BMPER: variants seen among roughly 807,000 people sequenced by gnomAD.
The protein encoded by BMPER is BMP binding endothelial regulator.
In BMPER, 45 loss-of-function variants were observed where a neutral mutation model predicts 87.3. The ratio of observed to expected loss-of-function variants is 0.52; its 90% CI spans 0.41 to 0.66. The LOEUF (loss-of-function observed/expected upper bound fraction) is 0.66, where lower values mean the gene tolerates loss of function less well. Ranked by LOEUF, BMPER falls within the 30% of genes least tolerant of loss-of-function variation. The probability of loss-of-function intolerance (pLI) is 0.00; values close to 1 mark genes in which losing one functional copy is unlikely to be tolerated. For synonymous variants in BMPER, 326 were observed against 316.2 expected, an observed-to-expected ratio of 1.03 and a Z score of -0.33; for missense variants, 784 against 867.5, an observed-to-expected ratio of 0.90 and a Z score of 1.21.
intron 4 of BMPER, among the ~76,000 whole-genome samples, chr7:33,967,810 A>G (rs1785440982): frequency 6.6e-6 from 1 of 152,210 alleles, no homozygotes; most frequent in African/African-American, 2.4e-5. Context: ...CATGGTTACA[A>G]TGCTAAACAA....
chr7:34,013,087 A>G (rs1172073851), intron 6 of BMPER, among the ~76,000 whole-genome samples: 3 of 151,810 alleles, frequency 2.0e-5, no homozygotes, highest in Non-Finnish European at 4.4e-5. Flanking sequence ...ACTTGCACGC[A>G]GAACATTGTG....
chr7:33,921,855 A>G (rs1359386010), intron 2 of BMPER: 1 of 470,854 alleles, frequency 2.1e-6, no homozygotes, highest in Non-Finnish European at 4.4e-6. Flanking sequence ...CTGCATCTGG[A>G]GGAACCAGAC....
chr7:34,053,595 T>C (rs980261745), intron 8 of BMPER, among the ~76,000 whole-genome samples: 1 of 152,202 alleles, frequency 6.6e-6, no homozygotes, highest in African/African-American at 2.4e-5. Flanking sequence ...TGTATTCTTA[T>C]AATGAAGTAA....
chr7:33,907,858 G>A (rs1158437172), intron 2 of BMPER, among the ~76,000 whole-genome samples: 1 of 152,158 alleles, frequency 6.6e-6, no homozygotes, highest in African/African-American at 2.4e-5. Context: ...TTTCGGTTTA[G>A]GCAAAAGCCA....
intron 13 of BMPER, among the ~76,000 whole-genome samples, chr7:34,086,438 G>A (rs1789212384): frequency 6.6e-6 from 1 of 152,192 alleles, no homozygotes; most frequent in African/African-American, 2.4e-5. Context: ...AACCACAGTA[G>A]TACAAGGCAG....
intron 6 of BMPER, among the ~76,000 whole-genome samples, chr7:33,994,217 G>A (rs560176691): frequency 2.6e-5 from 4 of 152,234 alleles, no homozygotes; most frequent in Admixed American, 2.6e-4. Flanking sequence ...CCCTCCCCCA[G>A]CCTCGCTGCC....
chr7:34,078,925 C>G lies in BMPER; in HGVS notation c.1147C>G (p.Gln383Glu). Residue 383 changes from glutamine (Q) to glutamate (E), a missense_variant, in exon 12 of 15, where the codon CAG (glutamine) becomes GAG (glutamate). Transcript: ENST00000649409. ...NTFDGRTFNF[Q>E]GTCQYVLTKD... ...TTTTGACGGTCGGACATTTAACTTT[C>G]AGGGGACGTGTCAGTACGTTTTGAC... 1 of 1,614,220 alleles carries G rather than the reference C, an allele frequency of 6.2e-7. No homozygotes were observed. The highest frequency in any genetic ancestry group is 8.5e-7 in the Non-Finnish European group (1 of 1,180,052).
rs1287864959 is a variant in BMPER, at chr7:34,153,993, T to C, written c.*720T>C. ...TAATCATCTATGTGTGTATGATGGATGTGACCATTTATATGTCATGTGTTG... is the reference window on the plus strand; with the variant it reads ...TAATCATCTATGTGTGTATGATGGACGTGACCATTTATATGTCATGTGTTG... On this transcript the variant is annotated 3_prime_UTR_variant, in exon 15 of 15. Coordinates refer to ENST00000649409, the MANE Select transcript of BMPER (RefSeq NM_001365308.1). 1 of 152,780 alleles carries C rather than the reference T, an allele frequency of 6.5e-6. No homozygotes were observed. Among genetic ancestry groups the C allele is most frequent in the Non-Finnish European group, 1.5e-5 (1 of 68,132 alleles). 9.5% of individuals were successfully genotyped at this position (152,780 alleles called of 1,614,324 possible).
chr7:34,100,515 C>T (rs911823134), intron 13 of BMPER, among the ~76,000 whole-genome samples: 6 of 152,190 alleles, frequency 3.9e-5, no homozygotes. Flanking sequence ...TGCCTGTGCA[C>T]CCATCCCAAA....
chr7:33,924,238 T>C (rs774171804), intron 2 of BMPER, among the ~76,000 whole-genome samples: 18 of 152,242 alleles, frequency 1.2e-4, no homozygotes, highest in Non-Finnish European at 1.9e-4. Context: ...GTCAGTATAG[T>C]CTTGAAAATA....
chr7:34,112,675 T>C (rs1463093028), intron 13 of BMPER, among the ~76,000 whole-genome samples: 2 of 152,034 alleles, frequency 1.3e-5, no homozygotes, highest in Non-Finnish European at 2.9e-5. Flanking sequence ...TGAGAATAAA[T>C]TATTCACATC....
At chr7:33,968,268 T>C (rs1562658185) in intron 4 of BMPER, among the ~76,000 whole-genome samples, 1 of 152,174 alleles carries the variant, frequency 6.6e-6, no homozygotes, top group African/African-American at 2.4e-5. Flanking sequence ...TTTTATTCAA[T>C]ACGCAGAAAA....
intron 4 of BMPER, among the ~76,000 whole-genome samples, chr7:33,967,078 T>A (rs1785424794): frequency 1.3e-5 from 2 of 152,238 alleles, no homozygotes; most frequent in East Asian, 3.9e-4. Flanking sequence ...CTGTGGTTGA[T>A]CCTATTGAAC....
chr7:34,122,825 A>G (rs758960130), intron 13 of BMPER, among the ~76,000 whole-genome samples: 40 of 152,310 alleles, frequency 2.6e-4, no homozygotes, highest in Non-Finnish European at 4.6e-4. Context: ...ATTTTCATCC[A>G]AGGTCTGAAA....
intron 6 of BMPER, among the ~76,000 whole-genome samples, chr7:33,981,150 A>AG (rs1785846442): frequency 6.6e-6 from 1 of 152,128 alleles, no homozygotes; most frequent in Non-Finnish European, 1.5e-5. Context: ...ACACAAAGGG[A>AG]GGACTCCCAC....
At chr7:34,032,493 G>T (rs1392557077) in intron 6 of BMPER, among the ~76,000 whole-genome samples, 1 of 152,076 alleles carries the variant, frequency 6.6e-6, no homozygotes, top group East Asian at 1.9e-4. Flanking sequence ...AGAAGATTTG[G>T]AGTCTTCAAG....
chr7:34,123,755 T>G (rs2127989895), intron 13 of BMPER, among the ~76,000 whole-genome samples: 1 of 152,346 alleles, frequency 6.6e-6, no homozygotes, highest in South Asian at 2.1e-4. Context: ...CTAAATATGT[T>G]TATATTCTAA....
In BMPER at chr7:34,153,340, A is replaced by C; in HGVS notation, c.*67A>C. ...GACACTGAAGCGGAAGAGCCAATGAAGGACTGCAGTATTTGTGTGCCCGAT... is the reference window on the plus strand; with the variant it reads ...GACACTGAAGCGGAAGAGCCAATGACGGACTGCAGTATTTGTGTGCCCGAT... On this transcript the variant is annotated 3_prime_UTR_variant, in exon 15 of 15. Transcript: ENST00000649409. 6.4e-7 allele frequency: 1 copy of C among 1,556,072 alleles called. No homozygotes were observed. Among genetic ancestry groups the C allele is most frequent in the Non-Finnish European group, 8.9e-7 (1 of 1,129,328 alleles).
chr7:34,109,011 A>C (rs1253343830), intron 13 of BMPER, among the ~76,000 whole-genome samples: 3 of 152,186 alleles, frequency 2.0e-5, no homozygotes, highest in African/African-American at 7.2e-5. Flanking sequence ...TATGTGTATA[A>C]AAGAGATTTC....
Sources: allele counts gnomAD v4.1 joint callset (sites outside exome capture counted in the v4.1 genomes callset), GRCh38; gene constraint gnomAD v4.1.1; transcripts MANE v1.5; gene names NCBI Gene and HGNC (gene_info 2026-07-23, HGNC 2026-07-21).